SDK1: variants seen among roughly 807,000 people sequenced by gnomAD.
SDK1 encodes the protein sidekick cell adhesion molecule 1, also known as protein sidekick-1.
In SDK1, 157 loss-of-function variants were observed where a neutral mutation model predicts 245.5. That is an observed-to-expected ratio of 0.64 (90% confidence interval 0.56 to 0.73). The LOEUF (loss-of-function observed/expected upper bound fraction) is 0.73. Ranked by LOEUF, SDK1 falls within the 30% of genes least tolerant of loss-of-function variation. The pLI, the probability that SDK1 is intolerant of heterozygous loss-of-function variation, is 0.00. For synonymous variants in SDK1, 1,647 were observed against 1,278.5 expected, an observed-to-expected ratio of 1.29 and a Z score of -6.15; for missense variants, 3,583 against 3,002.3, an observed-to-expected ratio of 1.19 and a Z score of -4.52.
rs4039587 is a variant in SDK1 at position 3,646,391 on chromosome 7, TTAA to T, written c.713+4291_713+4293del. Among the ~76,000 whole-genome samples, 210 of 152,370 alleles carry T rather than the reference TTAA, an allele frequency of 1.4e-3. 6 individuals carry two copies. In the South Asian group the frequency reaches 0.043, roughly 31 times the overall value. ...CTTGAAAAATAAGTTGAATATCCTATTAATAATCTTAACAGGAGCTATTATTTA... is the reference window on the plus strand; with the variant it reads ...CTTGAAAAATAAGTTGAATATCCTATTAATCTTAACAGGAGCTATTATTTA... On this transcript the variant is annotated intron_variant, in intron 4 of 44. Coordinates refer to ENST00000404826, the MANE Select transcript of SDK1 (RefSeq NM_152744.4).
At position 3,408,403 on chromosome 7, in the gene SDK1, T is replaced by C. The variant is rs76494709; in HGVS notation, c.298+106519T>C. On this transcript the variant is annotated intron_variant, in intron 1 of 44. Transcript: ENST00000404826. ...ACTGTATGACTAAAATGTTACTTTTTCTTGATGTTATTATTAATCCTGTTT... is the reference window on the plus strand; with the variant it reads ...ACTGTATGACTAAAATGTTACTTTTCCTTGATGTTATTATTAATCCTGTTT... Among the ~76,000 whole-genome samples, 176 of 152,318 alleles carry C rather than the reference T, an allele frequency of 1.2e-3. 1 individual carries two copies. Among genetic ancestry groups the C allele is most frequent in the African/African-American group, 4.0e-3 (168 of 41,566 alleles).
intron 30 of SDK1, 21 bp downstream of exon 30, chr7:4,149,484 C>A (rs771554663): frequency 3.5e-6 from 5 of 1,429,396 alleles, no homozygotes; most frequent in Non-Finnish European, 4.6e-6. Flanking sequence ...AGCAGGAGCA[C>A]CTCCCCGGGG....
At position 4,198,549 on chromosome 7, in the gene SDK1, G is replaced by A. The variant is rs116198798; in HGVS notation, c.5099-7330G>A. ...TGTTCTTGTAAATAAAGTTTTATTG[G>A]AACACCGCCACACCCGTGCATGTTG... On this transcript the variant is annotated intron_variant, in intron 35 of 44. Coordinates refer to ENST00000404826, the MANE Select transcript of SDK1 (RefSeq NM_152744.4). Among the ~76,000 whole-genome samples, 1,226 of 152,280 alleles carry A rather than the reference G, an allele frequency of 8.1e-3. 16 individuals carry two copies. Among genetic ancestry groups the A allele is most frequent in the African/African-American group, 0.027 (1,136 of 41,554 alleles).
intron 5 of SDK1, among the ~76,000 whole-genome samples, chr7:3,866,346 G>A (rs910614017): frequency 1.3e-5 from 2 of 152,182 alleles, no homozygotes; most frequent in Non-Finnish European, 2.9e-5. Context: ...TCTGATTCCA[G>A]TGGGGAAAGG....
chr7:4,019,955 C>G (rs1786747761), intron 17 of SDK1, among the ~76,000 whole-genome samples: 1 of 152,202 alleles, frequency 6.6e-6, no homozygotes, highest in Admixed American at 6.5e-5. Context: ...ATGTCTCGGA[C>G]TCCCGTGTGC....
At chr7:3,463,724 C>T (rs1165602055) in intron 1 of SDK1, among the ~76,000 whole-genome samples, 1 of 152,224 alleles carries the variant, frequency 6.6e-6, no homozygotes, top group African/African-American at 2.4e-5. Context: ...TCATTTCCCC[C>T]TCTCTGCTGG....
chr7:3,783,410 C>G (rs1035520905), intron 4 of SDK1, among the ~76,000 whole-genome samples: 3 of 151,668 alleles, frequency 2.0e-5, no homozygotes, highest in African/African-American at 7.3e-5. Flanking sequence ...AAAGGAAGAG[C>G]TGAAGTTGTC....
intron 4 of SDK1, among the ~76,000 whole-genome samples, chr7:3,672,883 G>A (rs975913985): frequency 1.4e-5 from 2 of 145,186 alleles, no homozygotes; most frequent in Non-Finnish European, 1.5e-5. Context: ...ACCCTTGAGG[G>A]TTTGGAGTGA....
At chr7:3,402,150 A>C (rs886145554) in intron 1 of SDK1, among the ~76,000 whole-genome samples, 1 of 152,176 alleles carries the variant, frequency 6.6e-6, no homozygotes, top group African/African-American at 2.4e-5. Context: ...TAAATGCAAA[A>C]AGAACTTGAG....
At chr7:3,363,524 A>T (rs370719010) in intron 1 of SDK1, among the ~76,000 whole-genome samples, 1 of 152,168 alleles carries the variant, frequency 6.6e-6, no homozygotes, top group African/African-American at 2.4e-5. Flanking sequence ...TTTGTTGTTT[A>T]AGACAGCGGC....
chr7:3,822,619 ATT>A (rs1216507410), intron 5 of SDK1, among the ~76,000 whole-genome samples: 5 of 151,956 alleles, frequency 3.3e-5, no homozygotes, highest in Non-Finnish European at 2.9e-5. Flanking sequence ...AAAATGCAAA[ATT>A]AGCAGGCATG....
chr7:3,357,070 A>AG (rs1375555048), intron 1 of SDK1, among the ~76,000 whole-genome samples: 1 of 151,466 alleles, frequency 6.6e-6, no homozygotes, highest in Non-Finnish European at 1.5e-5. Flanking sequence ...AAAAAAAAAA[A>AG]AAAAAGATAC....
chr7:4,260,441 A>G (rs1787914174), intron 44 of SDK1, among the ~76,000 whole-genome samples: 2 of 135,918 alleles, frequency 1.5e-5, no homozygotes, highest in East Asian at 2.3e-4. Context: ...CACCTGATGG[A>G]GAAGCTGGCT....
intron 1 of SDK1, among the ~76,000 whole-genome samples, chr7:3,393,747 TTC>T (rs1275256508): frequency 5.9e-5 from 9 of 152,184 alleles, no homozygotes; most frequent in Non-Finnish European, 1.3e-4. Flanking sequence ...TCTGAATTTT[TTC>T]TCTGTGTTTT....
chr7:3,953,760 G>A (rs1311064558), intron 7 of SDK1, among the ~76,000 whole-genome samples: 7 of 152,170 alleles, frequency 4.6e-5, no homozygotes, highest in Non-Finnish European at 7.3e-5. Context: ...GTTCTCTCGA[G>A]TTAGCACCTC....
intron 5 of SDK1, among the ~76,000 whole-genome samples, chr7:3,948,190 T>G (rs1780654102): frequency 1.3e-5 from 2 of 151,920 alleles, no homozygotes; most frequent in South Asian, 4.2e-4. Context: ...TTGACCTTGT[T>G]GTGGTGGTTT....
intron 17 of SDK1, among the ~76,000 whole-genome samples, chr7:4,034,173 A>G (rs922320977): frequency 1.3e-5 from 2 of 152,222 alleles, no homozygotes; most frequent in South Asian, 2.1e-4. Context: ...AACATATTGC[A>G]CAAGAAATTG....
intron 4 of SDK1, among the ~76,000 whole-genome samples, chr7:3,782,257 A>G (rs1341204680): frequency 6.6e-6 from 1 of 152,234 alleles, no homozygotes; most frequent in Non-Finnish European, 1.5e-5. Flanking sequence ...AGCAGGAACA[A>G]GAGGTGATGG....
intron 5 of SDK1, among the ~76,000 whole-genome samples, chr7:3,855,701 G>A (rs76824183): frequency 0.014 from 2,120 of 152,280 alleles, 55 homozygotes; most frequent in African/African-American, 0.049. Flanking sequence ...CTGCAGAAAG[G>A]CAAAGAGGCC....
Sources: allele counts gnomAD v4.1 joint callset (sites outside exome capture counted in the v4.1 genomes callset), GRCh38; gene constraint gnomAD v4.1.1; transcripts MANE v1.5; gene names NCBI Gene and HGNC (gene_info 2026-07-23, HGNC 2026-07-21).